ROBO1: variants seen among roughly 807,000 people sequenced by gnomAD.
ROBO1 encodes the protein roundabout guidance receptor 1, also known as roundabout homolog 1.
A neutral mutation model predicts 195.9 loss-of-function variants in ROBO1; 149 were observed. The observed-to-expected ratio is 0.76, with a 90% CI of 0.67 to 0.87. The LOEUF is 0.87. Among genes scored for constraint, ROBO1 ranks in the 40% least tolerant of loss-of-function variants. The probability of loss-of-function intolerance (pLI) is 0.00; values close to 1 mark genes in which losing one functional copy is unlikely to be tolerated. For missense variants in ROBO1, 1,933 were observed against 2,068.3 expected (o/e 0.93, Z 1.27); for synonymous variants, 816 against 733.2 (o/e 1.11, Z -1.82).
chr3:79,713,394 C>T (rs973403492), intron 1 of ROBO1, among the ~76,000 whole-genome samples: 1 of 151,942 alleles, frequency 6.6e-6, no homozygotes, highest in African/African-American at 2.4e-5. Flanking sequence ...ATTTAGGATG[C>T]CATTGAGAAC....
At chr3:78,695,200 A>G (rs1012055307) in intron 8 of ROBO1, among the ~76,000 whole-genome samples, 2 of 152,024 alleles carry the variant, frequency 1.3e-5, no homozygotes, top group Non-Finnish European at 2.9e-5. Context: ...GCACACCATC[A>G]TGGCACATGT....
At position 78,631,605 on chromosome 3, in the gene ROBO1, C is replaced by A. The variant is rs148428806; in HGVS notation, c.3482-300G>T. Among the ~76,000 whole-genome samples, 692 of 152,250 alleles carry A rather than the reference C, an allele frequency of 4.5e-3. 4 individuals are homozygous for A. Among genetic ancestry groups the A allele is most frequent in the African/African-American group, 0.016 (667 of 41,550 alleles). The stretch of plus-strand genomic sequence containing the variant: ...TTGCATTATGGATTATCATCTCAAA[C>A]AAATGAGCTGTAGATATATTTTCTC... On this transcript the variant is annotated intron_variant, in intron 24 of 30. Coordinates refer to ENST00000464233, the MANE Select transcript of ROBO1 (RefSeq NM_002941.4).
intron 2 of ROBO1, among the ~76,000 whole-genome samples, chr3:79,304,726 ATTC>A (rs2033140929): frequency 6.6e-6 from 1 of 152,124 alleles, no homozygotes; most frequent in South Asian, 2.1e-4. Flanking sequence ...TGTTTACTCC[ATTC>A]TTAAGTTCAT....
chr3:79,015,175 A>T (rs2077893131), intron 3 of ROBO1, among the ~76,000 whole-genome samples: 1 of 152,122 alleles, frequency 6.6e-6, no homozygotes, highest in African/African-American at 2.4e-5. Flanking sequence ...ATTTTAAAAG[A>T]TATCACAGTA....
At chr3:79,512,262 CCCA>C (rs75332356) in intron 2 of ROBO1, among the ~76,000 whole-genome samples, 10,992 of 151,996 alleles carry the variant, frequency 0.072, 566 homozygotes, top group East Asian at 0.19. Flanking sequence ...GAGCTGAATT[CCCA>C]CCAAGATTTT....
intron 3 of ROBO1, among the ~76,000 whole-genome samples, chr3:79,096,331 T>C (rs2079565684): frequency 6.6e-6 from 1 of 151,920 alleles, no homozygotes; most frequent in Admixed American, 6.6e-5. Context: ...TAGATTTCTT[T>C]AGAATGTAGA....
Position 78,702,989 on chromosome 3 carries a change from G to A in ROBO1, c.1045+11408C>T, listed in dbSNP as rs571514989. On this transcript the variant is annotated intron_variant, in intron 8 of 30. Coordinates refer to ENST00000464233, the MANE Select transcript of ROBO1 (RefSeq NM_002941.4). ...GAGCATTTCAAATTCTCTGTAGGAA[G>A]GCCATGAAGTGAATGCCTTTCTTTT... Among the ~76,000 whole-genome samples the A allele has an allele frequency of 5.9e-5, 9 of 152,248 alleles. No individual in the cohort carries two copies. The East Asian group carries it at 1.5e-3, about 26-fold the overall frequency.
intron 2 of ROBO1, among the ~76,000 whole-genome samples, chr3:79,379,437 G>A (rs1464216709): frequency 6.6e-6 from 1 of 152,094 alleles, no homozygotes; most frequent in African/African-American, 2.4e-5. Flanking sequence ...ATGTCCATGA[G>A]TTCATCATGT....
Position 78,668,582 on chromosome 3 carries a change from A to T in ROBO1, c.1549-17T>A. ...ATCACCCAGCTGAGAAGGCAGACAA[A>T]AAATAAATATTTGGAAAAATCAAGA... On this transcript the variant is annotated splice_polypyrimidine_tract_variant and intron_variant, in intron 11 of 30. Transcript: ENST00000464233. 6.2e-7 allele frequency: 1 copy of T among 1,611,838 alleles called. No homozygotes were observed.
chr3:78,723,336 G>A (rs1350365), intron 5 of ROBO1, among the ~76,000 whole-genome samples: 152,117 of 152,274 alleles, frequency 1, 75,980 homozygotes, highest in Non-Finnish European at 1. Flanking sequence ...TAACAGGGCT[G>A]TACCATGTAG....
intron 4 of ROBO1, among the ~76,000 whole-genome samples, chr3:78,884,589 G>C (rs1159051257): frequency 6.8e-6 from 1 of 146,400 alleles, no homozygotes; most frequent in African/African-American, 2.6e-5. Flanking sequence ...GAGAAAGGGA[G>C]AAAGAAAGAA....
intron 2 of ROBO1, among the ~76,000 whole-genome samples, chr3:79,355,558 C>T (rs2035517576): frequency 6.6e-6 from 1 of 152,120 alleles, no homozygotes; most frequent in African/African-American, 2.4e-5. Context: ...TGTCACTATT[C>T]CTCCCTCCTA....
At chr3:78,639,254 C>T (rs145950667) in intron 22 of ROBO1, among the ~76,000 whole-genome samples, 75 of 151,724 alleles carry the variant, frequency 4.9e-4, no homozygotes, top group African/African-American at 1.8e-3. Context: ...GCCAGGAGTT[C>T]GAGGCCAGCC....
intron 1 of ROBO1, among the ~76,000 whole-genome samples, chr3:79,591,250 A>T (rs1046262322): frequency 6.6e-6 from 1 of 151,848 alleles, no homozygotes; most frequent in African/African-American, 2.4e-5. Flanking sequence ...AACAAATTGA[A>T]AAAAAGGTTA....
At chr3:79,699,182 A>G (rs2107143493) in intron 1 of ROBO1, among the ~76,000 whole-genome samples, 1 of 151,422 alleles carries the variant, frequency 6.6e-6, no homozygotes, top group Middle Eastern at 3.4e-3. Context: ...GCCACCTCTA[A>G]TGGATATCTG....
chr3:78,958,147 C>T (rs1489600085), intron 3 of ROBO1, among the ~76,000 whole-genome samples: 1 of 152,126 alleles, frequency 6.6e-6, no homozygotes, highest in Non-Finnish European at 1.5e-5. Context: ...ATTTTGTTTA[C>T]TACATATATG....
rs1029596119 is a variant in ROBO1, at chr3:78,985,082, G to C, written c.173-46155C>G. ...TAATCCCAGCACTTTGGGAGGCCAA[G>C]GCAGGTGGACTGCTTGAGCCCAGGA... On this transcript the variant is annotated intron_variant, in intron 3 of 30. Coordinates refer to ENST00000464233, the MANE Select transcript of ROBO1 (RefSeq NM_002941.4). Among the ~76,000 whole-genome samples the C allele has an allele frequency of 6.6e-5, 10 of 152,258 alleles. No individual in the cohort carries two copies. The East Asian group carries it at 1.7e-3, about 27-fold the overall frequency.
At chr3:79,712,578 C>T (rs556497553) in intron 1 of ROBO1, among the ~76,000 whole-genome samples, 7 of 152,142 alleles carry the variant, frequency 4.6e-5, no homozygotes, top group Non-Finnish European at 7.4e-5. Flanking sequence ...AAGCAGCTAA[C>T]GTAATGAAGA....
intron 4 of ROBO1, among the ~76,000 whole-genome samples, chr3:78,777,190 G>A (rs1276594791): frequency 3.9e-5 from 6 of 152,190 alleles, no homozygotes; most frequent in South Asian, 2.1e-4. Context: ...TAAATTACAG[G>A]AACAGACATC....
Sources: gnomAD v4.1 joint callset for allele counts (sites outside exome capture counted in the v4.1 genomes callset) on GRCh38, gnomAD v4.1.1 for gene constraint, MANE v1.5 for transcripts, NCBI Gene and HGNC (gene_info 2026-07-23, HGNC 2026-07-21) for gene names.